Variants in SFI1 observed in about 807,000 individuals in gnomAD.
The protein encoded by SFI1 is SFI1 centrin binding protein.
SFI1 carries 195 observed loss-of-function variants against 207.5 expected under a neutral mutation model. That is an observed-to-expected ratio of 0.94 (90% CI 0.84 to 1.06). The LOEUF is 1.06. Among genes scored for constraint, SFI1 ranks in the 50% least tolerant of loss-of-function variants. The pLI is 0.00. For synonymous variants in SFI1, 630 were observed against 598.9 expected (o/e 1.05, Z -0.76); for missense variants, 1,634 against 1,588.0 (o/e 1.03, Z -0.49).
chr22:31,615,243 C>G lies in SFI1; in HGVS notation c.3264C>G (p.Ser1088=), dbSNP rs563224421. 3 of 1,525,682 alleles carry G rather than the reference C, an allele frequency of 2.0e-6. No homozygotes were observed. The African/African-American group carries it at 4.2e-5, about 21-fold the overall frequency. The allele number at this position is 1,525,682 out of a possible 1,614,324, so 94.5% of individuals were successfully genotyped here. ...CGGAGCTGCTGCTGCTGCCTCTTTC[C>G]TCCTTCATGCCCTGCGGGGCGGCTG... The part of the protein sequence containing the change: ...TGPELLLLPL[S]SFMPCGAAAP... Residue 1088 remains serine (S), a synonymous_variant, in exon 29 of 33, where the codon TCC becomes TCG. Transcript: ENST00000400288.
chr22:31,610,870 G>A (rs1370951624), intron 22 of SFI1, among the ~76,000 whole-genome samples: 2 of 152,226 alleles, frequency 1.3e-5, no homozygotes, highest in Non-Finnish European at 2.9e-5. Context: ...CCCCTGTGGA[G>A]GCTGTGGACA....
intron 13 of SFI1, among the ~76,000 whole-genome samples, chr22:31,584,622 C>T (rs1412524981): frequency 6.6e-6 from 1 of 152,082 alleles, no homozygotes; most frequent in Non-Finnish European, 1.5e-5. Flanking sequence ...AATTTTGAAG[C>T]ATTTTTTAAT....
chr22:31,605,045 T>A lies in SFI1; in HGVS notation c.2054+100T>A, dbSNP rs1438135860. The A allele has an allele frequency of 3.8e-6, 4 of 1,058,008 alleles. No homozygotes were observed. In the African/African-American group the frequency reaches 6.5e-5, roughly 17 times the overall value. 65.5% of individuals were successfully genotyped at this position (1,058,008 alleles called of 1,614,324 possible). ...GTCCTGCTGAGGGCCAGGTCGGGGA[T>A]GATCCCGGGTTCCTAGTCGCTAATA... On this transcript the variant is annotated intron_variant, in intron 20 of 32. Coordinates refer to ENST00000400288, the MANE Select transcript of SFI1 (RefSeq NM_001007467.3).
intron 5 of SFI1, 77 bp downstream of exon 5, chr22:31,547,048 C>A: frequency 3.7e-6 from 4 of 1,071,356 alleles, no homozygotes; most frequent in South Asian, 1.5e-5. Flanking sequence ...TGTTTATGGT[C>A]AAAAGAAGCA....
rs752021058 is a variant in SFI1, at chr22:31,546,989, A to G, written c.449+18A>G. 13 of 1,513,686 alleles carry G rather than the reference A, an allele frequency of 8.6e-6. No homozygotes were observed. In the East Asian group the frequency reaches 3.0e-4, roughly 35 times the overall value. 93.8% of individuals were successfully genotyped at this position (1,513,686 alleles called of 1,614,324 possible). Reference sequence around the variant, plus strand: ...CACTACAGGTCAGGTTTCATGTTACACTCCTTCAGTTTTACTGATGCACAT... The same window carrying G: ...CACTACAGGTCAGGTTTCATGTTACGCTCCTTCAGTTTTACTGATGCACAT... On this transcript the variant is annotated intron_variant, in intron 5 of 32. Coordinates refer to ENST00000400288, the MANE Select transcript of SFI1 (RefSeq NM_001007467.3).
At chr22:31,565,459 G>A (rs1292733191) in intron 8 of SFI1, among the ~76,000 whole-genome samples, 2 of 151,316 alleles carry the variant, frequency 1.3e-5, no homozygotes, top group Non-Finnish European at 2.9e-5. Context: ...GACTTTGGGA[G>A]GCCAAAATAA....
chr22:31,541,809 A>G (rs886300818), intron 4 of SFI1, among the ~76,000 whole-genome samples: 1 of 148,498 alleles, frequency 6.7e-6, no homozygotes, highest in Non-Finnish European at 1.5e-5. Flanking sequence ...TATTATAGAA[A>G]TGTACAGTTT....
intron 4 of SFI1, among the ~76,000 whole-genome samples, chr22:31,532,876 G>A (rs1284235068): frequency 6.6e-6 from 1 of 152,170 alleles, no homozygotes; most frequent in Non-Finnish European, 1.5e-5. Context: ...CCAAAGATAA[G>A]CCTTAGGGAT....
chr22:31,508,516 T>C (rs1601869650), intron 2 of SFI1, 140 bp downstream of exon 2: 1 of 608,042 alleles, frequency 1.6e-6, no homozygotes, highest in South Asian at 2.1e-5. Flanking sequence ...ATATTTCAAA[T>C]TTTTCATCTA....
chr22:31,589,611 G>A lies in SFI1; in HGVS notation c.1544+34G>A, dbSNP rs773665075. 2.5e-6 allele frequency: 4 copies of A among 1,584,876 alleles called. No individual in the cohort carries two copies. In the Middle Eastern group the frequency reaches 6.9e-4, roughly 274 times the overall value. On this transcript the variant is annotated intron_variant, in intron 15 of 32. Transcript: ENST00000400288. ...CGCAGCTCCTGTCTGCACTGGGGCAGGTGTTTCAAATCTAACTCTGACAAC... is the reference window on the plus strand; with the variant it reads ...CGCAGCTCCTGTCTGCACTGGGGCAAGTGTTTCAAATCTAACTCTGACAAC...
At chr22:31,617,194 G>A (rs1201763336) in intron 31 of SFI1, 116 bp downstream of exon 31, 18 of 1,102,612 alleles carry the variant, frequency 1.6e-5, no homozygotes, top group Admixed American at 4.3e-5. Context: ...AGGTGGTCTC[G>A]GTCTAGCCAT....
chr22:31,499,275 A>G (rs971671005), intron 1 of SFI1, among the ~76,000 whole-genome samples: 2 of 151,384 alleles, frequency 1.3e-5, no homozygotes, highest in African/African-American at 4.9e-5. Flanking sequence ...GCTCACCACA[A>G]CCTCCGCCTC....
At chr22:31,530,489 CAAAAAAAAAAAA>C (rs3069094) in intron 3 of SFI1, 11 of 114,014 alleles carry the variant, frequency 9.6e-5, no homozygotes, top group East Asian at 2.3e-4. Flanking sequence ...AACTCTGTCT[CAAAAAAAAAAAA>C]AAAAAAAAAA....
At chr22:31,591,624 CGGG>C (rs2065944492) in intron 15 of SFI1, among the ~76,000 whole-genome samples, 1 of 114,578 alleles carries the variant, frequency 8.7e-6, no homozygotes. Flanking sequence ...CCCTCCCGGA[CGGG>C]GCGGCTGGCC....
In SFI1 at chr22:31,613,865, C is replaced by G; in HGVS notation, c.2996+10C>G. Reference sequence around the variant, plus strand: ...CCCACGCCCTGGAGCTGTGAGTAGCCTGTGCTCACCTTGTCCTCGCTTCCA... The same window carrying G: ...CCCACGCCCTGGAGCTGTGAGTAGCGTGTGCTCACCTTGTCCTCGCTTCCA... On this transcript the variant is annotated intron_variant, in intron 27 of 32. Coordinates refer to ENST00000400288, the MANE Select transcript of SFI1 (RefSeq NM_001007467.3). The G allele has an allele frequency of 1.3e-6, 2 of 1,582,672 alleles. No homozygotes were observed. Among genetic ancestry groups the G allele is most frequent in the Non-Finnish European group, 1.7e-6 (2 of 1,163,566 alleles).
rs758047561 is a variant in SFI1, at chr22:31,613,839, C to A, written c.2980C>A (p.Pro994Thr). 3 of 1,605,478 alleles carry A rather than the reference C, an allele frequency of 1.9e-6. No homozygotes were observed. Among genetic ancestry groups the A allele is most frequent in the Non-Finnish European group, 2.6e-6 (3 of 1,176,206 alleles). ...TCTGGGCCGCCTGGCTGCTGAGGAG[C>A]CCCACGCCCTGGAGCTGTGAGTAGC... ...GALGRLAAEEPHALELNTAHS... is the reference protein window; with the variant it reads ...GALGRLAAEETHALELNTAHS... Residue 994 changes from proline to threonine, a missense_variant, in exon 27 of 33, where the codon CCC becomes ACC. Pro to Thr is a conservative substitution (Grantham distance 38, BLOSUM62 -1). Coordinates refer to ENST00000400288, the MANE Select transcript of SFI1 (RefSeq NM_001007467.3).
chr22:31,498,515 G>A (rs936301100), intron 1 of SFI1, among the ~76,000 whole-genome samples: 2 of 151,826 alleles, frequency 1.3e-5, no homozygotes, highest in Non-Finnish European at 2.9e-5. Flanking sequence ...GCTGGGTGTG[G>A]TGGTGGGCGC....
chr22:31,531,827 A>G (rs2058557562), intron 4 of SFI1, among the ~76,000 whole-genome samples: 1 of 150,824 alleles, frequency 6.6e-6, no homozygotes, highest in Non-Finnish European at 1.5e-5. Context: ...CTGGAGGCGG[A>G]GGTTGCGATG....
chr22:31,599,880 A>G (rs964025600), intron 15 of SFI1, among the ~76,000 whole-genome samples: 3 of 143,930 alleles, frequency 2.1e-5, no homozygotes, highest in Non-Finnish European at 4.6e-5. Context: ...TATTGTTGTT[A>G]TTTTTTTTTT....
Sources: gnomAD v4.1 joint callset for allele counts (sites outside exome capture counted in the v4.1 genomes callset) on GRCh38, gnomAD v4.1.1 for gene constraint, MANE v1.5 for transcripts, NCBI Gene and HGNC (gene_info 2026-07-23, HGNC 2026-07-21) for gene names.